The following PTK2 variants were observed in gnomAD, a reference collection of about 807,000 sequenced individuals.
The protein encoded by PTK2 is protein tyrosine kinase 2, also known as focal adhesion kinase 1.
Under a neutral mutation model 150.1 loss-of-function variants are expected in PTK2, and 45 were observed. The observed-to-expected ratio is 0.30, with a 90% CI of 0.24 to 0.38. PTK2 has a LOEUF of 0.38. Ranked by LOEUF, PTK2 falls within the 10% of genes least tolerant of loss-of-function variation. The pLI is 1.00. For missense variants in PTK2, 919 were observed against 1,307.3 expected (o/e 0.70, Z 4.58); for synonymous variants, 432 against 449.2 (o/e 0.96, Z 0.48).
chr8:140,719,661 C>G (rs1043614312), intron 22 of PTK2, among the ~76,000 whole-genome samples: 1 of 152,132 alleles, frequency 6.6e-6, no homozygotes, highest in African/African-American at 2.4e-5. Context: ...GTTAACTTTG[C>G]TAACTTGCTC....
Position 140,849,051 on chromosome 8 carries a change from A to G in PTK2, c.451-2373T>C, listed in dbSNP as rs528649846. On this transcript the variant is annotated intron_variant, in intron 5 of 31. Coordinates refer to ENST00000522684, the Ensembl canonical transcript of PTK2. ...AATGAAAAAGGGGGAAATTATAATA[A>G]TCTTCATTTAAAAAATCTCATTTAT... 5.9e-5 allele frequency among the ~76,000 whole-genome samples: 9 copies of G among 152,322 alleles called. No individual in the cohort carries two copies. In the South Asian group the frequency reaches 1.7e-3, roughly 28 times the overall value.
At chr8:140,838,218 A>G (rs1048732778) in intron 7 of PTK2, among the ~76,000 whole-genome samples, 2 of 152,358 alleles carry the variant, frequency 1.3e-5, no homozygotes, top group East Asian at 3.9e-4. Context: ...AAATGAACTA[A>G]TAAGAAACAA....
At chr8:140,823,606 AC>A (rs1170634228) in intron 8 of PTK2, among the ~76,000 whole-genome samples, 2 of 152,072 alleles carry the variant, frequency 1.3e-5, no homozygotes, top group Non-Finnish European at 2.9e-5. Flanking sequence ...ACCCGACTGG[AC>A]CCTAACATAT....
chr8:140,794,608 C>T (rs1389994656), intron 12 of PTK2, among the ~76,000 whole-genome samples: 1 of 152,194 alleles, frequency 6.6e-6, no homozygotes, highest in Non-Finnish European at 1.5e-5. Flanking sequence ...CTCTGTCCTT[C>T]TGAGAGCTTC....
chr8:140,995,305 C>T (rs1173783842), intron 1 of PTK2, among the ~76,000 whole-genome samples: 1 of 148,774 alleles, frequency 6.7e-6, no homozygotes, highest in Admixed American at 6.7e-5. Flanking sequence ...ATCGCTTGAA[C>T]CTGGGAGGCA....
At chr8:140,817,489 G>C (rs1336189081) in intron 10 of PTK2, among the ~76,000 whole-genome samples, 1 of 152,182 alleles carries the variant, frequency 6.6e-6, no homozygotes, top group Non-Finnish European at 1.5e-5. Context: ...GGCCTGAGAA[G>C]AAGCCCCTAG....
intron 4 of PTK2, among the ~76,000 whole-genome samples, chr8:140,877,158 A>G (rs990974877): frequency 1.3e-5 from 2 of 149,822 alleles, no homozygotes; most frequent in Non-Finnish European, 3.0e-5. Context: ...TCAGCCTCCA[A>G]TGTAGCTGGG....
Position 140,692,570 on chromosome 8 carries a change from T to C in PTK2, c.2500-5876A>G, listed in dbSNP as rs184540081. On this transcript the variant is annotated intron_variant, in intron 26 of 31. Transcript: ENST00000522684. ...AGGCGGAGGTTGCAGTGTGCCAAGA[T>C]TGCGCCATTTCACTCCAGCCTGGGG... Among the ~76,000 whole-genome samples, 575 of 152,166 alleles carry C rather than the reference T, an allele frequency of 3.8e-3. 5 individuals are homozygous for C. The highest frequency in any genetic ancestry group is 0.013 in the African/African-American group (551 of 41,502).
At chr8:140,862,578 C>A (rs2100136876) in intron 5 of PTK2, among the ~76,000 whole-genome samples, 2 of 152,194 alleles carry the variant, frequency 1.3e-5, no homozygotes, top group African/African-American at 2.4e-5. Context: ...GTTCCCCAAA[C>A]CCTGGGCCAT....
At chr8:140,793,548 T>G (rs909669276) in intron 12 of PTK2, among the ~76,000 whole-genome samples, 164 bp from the exon 13 acceptor site, 1 of 152,212 alleles carries the variant, frequency 6.6e-6, no homozygotes, top group Non-Finnish European at 1.5e-5. Context: ...GGTTTTATTT[T>G]CAATATTTAT....
At chr8:140,989,555 AG>A (rs1428865066) in intron 1 of PTK2, among the ~76,000 whole-genome samples, 3 of 152,060 alleles carry the variant, frequency 2.0e-5, no homozygotes, top group Non-Finnish European at 4.4e-5. Flanking sequence ...AAGACCTAAT[AG>A]AAAAATACAG....
intron 8 of PTK2, 135 bp from the exon 9 acceptor site, chr8:140,819,155 T>C: frequency 1.2e-6 from 1 of 848,430 alleles, no homozygotes; most frequent in Non-Finnish European, 1.7e-6. Flanking sequence ...AGTATACTTG[T>C]CAAATAACTA....
At chr8:140,942,623 CGT>C (rs1391538705) in intron 1 of PTK2, among the ~76,000 whole-genome samples, 1 of 57,696 alleles carries the variant, frequency 1.7e-5, no homozygotes. Flanking sequence ...CTAATGAGTG[CGT>C]GCGTGTGTGT....
chr8:140,661,821 G>C (rs571878694), intron 31 of PTK2, among the ~76,000 whole-genome samples: 54 of 152,340 alleles, frequency 3.5e-4, no homozygotes, highest in Non-Finnish European at 6.9e-4. Context: ...TGTTACAGCA[G>C]AGAGAGTTCC....
chr8:140,923,616 C>T (rs1374990715), intron 2 of PTK2, among the ~76,000 whole-genome samples: 1 of 152,150 alleles, frequency 6.6e-6, no homozygotes, highest in Non-Finnish European at 1.5e-5. Flanking sequence ...TTAATGGCAA[C>T]ATAAGTGAAA....
chr8:140,799,106 T>G (rs1357398800), intron 12 of PTK2: 1 of 152,234 alleles, frequency 6.6e-6, no homozygotes, highest in Non-Finnish European at 1.5e-5. Flanking sequence ...TAGCGAAGGC[T>G]CATGGCTTCA....
rs77749599 is a variant in PTK2, at chr8:140,754,103, T to C, written c.1333-1787A>G. 3.0e-4 allele frequency among the ~76,000 whole-genome samples: 46 copies of C among 152,348 alleles called. No individual in the cohort carries two copies. The East Asian group carries it at 6.7e-3, about 22-fold the overall frequency. Reference sequence around the variant, plus strand: ...CATTTTCAAACAAGAGAAATCTGAATGGTAAGAGAACTGTATCATCGACTC... The same window carrying C: ...CATTTTCAAACAAGAGAAATCTGAACGGTAAGAGAACTGTATCATCGACTC... On this transcript the variant is annotated intron_variant, in intron 16 of 31. Coordinates refer to ENST00000522684, the Ensembl canonical transcript of PTK2.
intron 11 of PTK2, among the ~76,000 whole-genome samples, chr8:140,801,222 G>A (rs1482445768): frequency 6.6e-6 from 1 of 152,194 alleles, no homozygotes; most frequent in African/African-American, 2.4e-5. Context: ...GCTACCCAGA[G>A]AACTGGCCGT....
chr8:140,803,003 A>ATTTTTTT (rs1596239214), intron 11 of PTK2, among the ~76,000 whole-genome samples: 3 of 117,264 alleles, frequency 2.6e-5, no homozygotes, highest in African/African-American at 1.0e-4. Context: ...CTTGATGACA[A>ATTTTTTT]TCTTTTTTTT....
Sources: gnomAD v4.1 joint callset for allele counts (sites outside exome capture counted in the v4.1 genomes callset) on GRCh38, gnomAD v4.1.1 for gene constraint, MANE v1.5 for transcripts, NCBI Gene and HGNC (gene_info 2026-07-23, HGNC 2026-07-21) for gene names.